The following DOCK9 variants were observed in gnomAD, a reference collection of about 807,000 sequenced individuals.
DOCK9 encodes dedicator of cytokinesis 9.
In DOCK9, 89 loss-of-function variants were observed where a neutral mutation model predicts 263.3. The observed-to-expected ratio is 0.34, with a 90% confidence interval of 0.28 to 0.40. DOCK9 has a LOEUF of 0.40. DOCK9 is among the 10% of genes least tolerant of loss of function. The pLI is 1.00. For missense variants in DOCK9, 2,140 were observed against 2,603.4 expected, an observed-to-expected ratio of 0.82 and a Z score of 3.87; for synonymous variants, 976 against 973.1, an observed-to-expected ratio of 1.00 and a Z score of -0.06.
chr13:99,035,991 A>C (rs796875433), intron 1 of DOCK9, among the ~76,000 whole-genome samples: 3 of 152,138 alleles, frequency 2.0e-5, no homozygotes, highest in Admixed American at 1.3e-4. Context: ...CAATTGCAAC[A>C]TCAGCTCTTC....
intron 1 of DOCK9, among the ~76,000 whole-genome samples, chr13:98,971,005 C>T (rs1280902799): frequency 1.3e-5 from 2 of 152,198 alleles, no homozygotes; most frequent in South Asian, 2.1e-4. Flanking sequence ...ATAAACAAAG[C>T]TTAAAACCTG....
chr13:99,037,082 C>T (rs879902804), intron 1 of DOCK9, among the ~76,000 whole-genome samples: 6 of 152,078 alleles, frequency 3.9e-5, no homozygotes, highest in Admixed American at 6.6e-5. Context: ...CATGAATGTA[C>T]TTCATGCCAT....
At chr13:98,828,362 T>C (rs535275700) in intron 43 of DOCK9, among the ~76,000 whole-genome samples, 3 of 152,338 alleles carry the variant, frequency 2.0e-5, no homozygotes, top group Non-Finnish European at 4.4e-5. Context: ...AGGCCACATA[T>C]GTCATTAAAG....
intron 27 of DOCK9, among the ~76,000 whole-genome samples, chr13:98,878,063 G>A (rs1484887996): frequency 6.6e-6 from 1 of 152,102 alleles, no homozygotes; most frequent in African/African-American, 2.4e-5. Flanking sequence ...AGTCATTAAG[G>A]TGGTTCTTAA....
intron 7 of DOCK9, 74 bp downstream of exon 7, chr13:98,920,880 T>C: frequency 7.0e-7 from 1 of 1,425,754 alleles, no homozygotes; most frequent in Non-Finnish European, 9.3e-7. Context: ...AAGTGTTTGC[T>C]TAAATCTGCT....
At chr13:99,020,433 G>A (rs1885956968) in intron 1 of DOCK9, among the ~76,000 whole-genome samples, 1 of 152,102 alleles carries the variant, frequency 6.6e-6, no homozygotes, top group African/African-American at 2.4e-5. Flanking sequence ...CAACCCCCCA[G>A]AAAGCCCGCA....
intron 45 of DOCK9, among the ~76,000 whole-genome samples, chr13:98,820,338 C>A (rs528950446): frequency 6.6e-6 from 1 of 152,302 alleles, no homozygotes; most frequent in South Asian, 2.1e-4. Flanking sequence ...AAACCGCCAA[C>A]AAAATCCACA....
At chr13:98,876,054 C>G (rs1038012968) in intron 27 of DOCK9, among the ~76,000 whole-genome samples, 3 of 152,170 alleles carry the variant, frequency 2.0e-5, no homozygotes, top group African/African-American at 7.2e-5. Context: ...ACACTGAAAG[C>G]ATCAGCTTAA....
intron 1 of DOCK9, among the ~76,000 whole-genome samples, chr13:99,007,226 A>G (rs1048809157): frequency 1.3e-5 from 2 of 151,952 alleles, no homozygotes; most frequent in Non-Finnish European, 1.5e-5. Context: ...TGTCTCTACT[A>G]AAAATACAAA....
chr13:99,042,624 C>T (rs552329882), intron 1 of DOCK9, among the ~76,000 whole-genome samples: 5 of 152,120 alleles, frequency 3.3e-5, no homozygotes, highest in African/African-American at 9.7e-5. Flanking sequence ...GAGGAAGGAA[C>T]GTGAAAATAT....
intron 1 of DOCK9, among the ~76,000 whole-genome samples, chr13:99,004,683 C>T (rs944619344): frequency 1.1e-4 from 17 of 152,072 alleles, no homozygotes; most frequent in Admixed American, 4.6e-4. Context: ...CTGATTGAAA[C>T]GTATCCTAGG....
chr13:98,940,393 CT>C (rs2055616894), intron 2 of DOCK9, among the ~76,000 whole-genome samples: 1 of 152,156 alleles, frequency 6.6e-6, no homozygotes, highest in Middle Eastern at 3.4e-3. Flanking sequence ...ATTACAAGGG[CT>C]GAGTTTTTTT....
chr13:98,914,342 G>T lies in DOCK9; in HGVS notation c.946C>A (p.Pro316Thr). 2.5e-6 allele frequency: 4 copies of T among 1,608,926 alleles called. No homozygotes were observed. Among genetic ancestry groups the T allele is most frequent in the Non-Finnish European group, 2.5e-6 (3 of 1,177,846 alleles). The change falls in exon 9 of 53, where the codon CCG (proline) becomes ACG (threonine). Residue 316 changes from proline (P) to threonine (T), a missense_variant. Physicochemically the swap from Pro to Thr is conservative, Grantham distance 38 (BLOSUM62 -1). Transcript: ENST00000682017. ...GSGSGLDSYL[P>T]ELAKSAREAE... ...GACGATGTTACCTTGGCAAGTTCCGGCAGGTAGCTATCTAAACCGGAACCA... is the reference window on the plus strand; with the variant it reads ...GACGATGTTACCTTGGCAAGTTCCGTCAGGTAGCTATCTAAACCGGAACCA...
rs762769430 is a variant in DOCK9, at chr13:98,824,393, C to G, written c.5130+5G>C. The G allele has an allele frequency of 6.2e-7, 1 of 1,613,382 alleles. No individual in the cohort carries two copies. ...CTGAAAGCCCACATGAGTTCAAGCACGCACCTCGTTGAAATGGACATCCTG... is the reference window on the plus strand; with the variant it reads ...CTGAAAGCCCACATGAGTTCAAGCAGGCACCTCGTTGAAATGGACATCCTG... On this transcript the variant is annotated splice_donor_5th_base_variant and intron_variant, in intron 45 of 52. Coordinates refer to ENST00000682017, the MANE Select transcript of DOCK9 (RefSeq NM_001366683.2).
intron 1 of DOCK9, among the ~76,000 whole-genome samples, chr13:99,037,801 TTC>T (rs1376029970): frequency 8.5e-5 from 13 of 152,216 alleles, no homozygotes; most frequent in African/African-American, 3.1e-4. Flanking sequence ...AGAAATGAAC[TTC>T]TGATACACAC....
At chr13:99,047,011 T>C (rs2040464641) in intron 1 of DOCK9, among the ~76,000 whole-genome samples, 1 of 152,218 alleles carries the variant, frequency 6.6e-6, no homozygotes, top group Non-Finnish European at 1.5e-5. Context: ...TCTCTGATGA[T>C]TAAAAGACAA....
At chr13:98,974,004 G>A (rs769557684) in intron 1 of DOCK9, among the ~76,000 whole-genome samples, 2 of 152,116 alleles carry the variant, frequency 1.3e-5, no homozygotes, top group Non-Finnish European at 2.9e-5. Flanking sequence ...CTGTGCTGCA[G>A]TCCCTACCAG....
intron 11 of DOCK9, 93 bp from the exon 12 acceptor site, chr13:98,902,584 G>A: frequency 1.6e-6 from 2 of 1,220,092 alleles, no homozygotes; most frequent in South Asian, 1.4e-5. Context: ...ACCTATTTAG[G>A]ACTGTTGCCA....
chr13:99,060,501 G>A (rs2041140730), intron 1 of DOCK9, among the ~76,000 whole-genome samples: 1 of 152,106 alleles, frequency 6.6e-6, no homozygotes, highest in African/African-American at 2.4e-5. Context: ...CTGGGTCATA[G>A]AACTAGGTCA....
Sources: gnomAD v4.1 joint callset for allele counts (sites outside exome capture counted in the v4.1 genomes callset) on GRCh38, gnomAD v4.1.1 for gene constraint, MANE v1.5 for transcripts, NCBI Gene and HGNC (gene_info 2026-07-23, HGNC 2026-07-21) for gene names.